SUMF1: variants seen among roughly 807,000 people sequenced by gnomAD.
SUMF1 encodes the protein sulfatase modifying factor 1.
SUMF1 carries 48 observed loss-of-function variants against 47.6 expected under a neutral mutation model. The ratio of observed to expected loss-of-function variants is 1.01; its 90% CI spans 0.80 to 1.28. The LOEUF is 1.28. Among genes scored for constraint, SUMF1 ranks in the 50% most tolerant of loss-of-function variants. The pLI is 0.00. For synonymous variants in SUMF1, 230 were observed against 192.1 expected (o/e 1.20, Z -1.63); for missense variants, 571 against 485.4 (o/e 1.18, Z -1.66).
intron 7 of SUMF1, among the ~76,000 whole-genome samples, chr3:4,391,091 C>G (rs564951460): frequency 5.9e-5 from 9 of 152,240 alleles, no homozygotes; most frequent in African/African-American, 2.2e-4. Flanking sequence ...TATGTCACAC[C>G]ATCATCCTCT....
chr3:4,117,646 G>A (rs1427498258), intron 8 of SUMF1, among the ~76,000 whole-genome samples: 2 of 152,030 alleles, frequency 1.3e-5, no homozygotes, highest in Non-Finnish European at 2.9e-5. Flanking sequence ...TCTTTATCAA[G>A]AATGAGGACA....
chr3:4,423,279 TACACACACACACAC>T (rs56729932), intron 3 of SUMF1, among the ~76,000 whole-genome samples: 2 of 147,126 alleles, frequency 1.4e-5, no homozygotes, highest in Non-Finnish European at 3.0e-5. Flanking sequence ...GAAACTGTGA[TACACACACACACAC>T]ACACACACAC....
intron 7 of SUMF1, among the ~76,000 whole-genome samples, chr3:4,401,094 T>C (rs1290980514): frequency 6.6e-6 from 1 of 151,696 alleles, no homozygotes; most frequent in Non-Finnish European, 1.5e-5. Flanking sequence ...GATAGTTTGC[T>C]AAGAATGATG....
intron 8 of SUMF1, among the ~76,000 whole-genome samples, chr3:4,166,396 T>G (rs10154985): frequency 0.34 from 50,995 of 151,956 alleles, 9,311 homozygotes; most frequent in Non-Finnish European, 0.42. Flanking sequence ...CCTAGCTTCA[T>G]GAATAGCCTT....
At chr3:4,090,576 T>G (rs1198395173) in intron 8 of SUMF1, among the ~76,000 whole-genome samples, 2 of 152,110 alleles carry the variant, frequency 1.3e-5, no homozygotes, top group East Asian at 3.9e-4. Flanking sequence ...ATTTGTGAAG[T>G]GTACAGTGAA....
chr3:4,383,146 A>G (rs1241893181), intron 7 of SUMF1, among the ~76,000 whole-genome samples: 1 of 152,198 alleles, frequency 6.6e-6, no homozygotes, highest in Non-Finnish European at 1.5e-5. Flanking sequence ...TGGGAGGCCA[A>G]GGCAGACGGA....
intron 8 of SUMF1, among the ~76,000 whole-genome samples, chr3:4,344,305 G>T (rs1206636287): frequency 6.6e-6 from 1 of 152,168 alleles, no homozygotes; most frequent in Non-Finnish European, 1.5e-5. Context: ...CCCCTCGAGG[G>T]CAGAGCTCCC....
chr3:4,087,486 C>T (rs975602714), intron 8 of SUMF1, among the ~76,000 whole-genome samples: 3 of 152,136 alleles, frequency 2.0e-5, no homozygotes, highest in African/African-American at 7.2e-5. Context: ...TGTCCATCTT[C>T]TTGACCTCTA....
intron 8 of SUMF1, among the ~76,000 whole-genome samples, chr3:4,210,500 A>C (rs1695755952): frequency 6.6e-6 from 1 of 152,162 alleles, no homozygotes; most frequent in African/African-American, 2.4e-5. Flanking sequence ...CATACCACTG[A>C]AGTTCAAAGG....
At chr3:4,039,141 A>G (rs1044885990) in intron 9 of SUMF1, among the ~76,000 whole-genome samples, 2 of 150,170 alleles carry the variant, frequency 1.3e-5, no homozygotes, top group Non-Finnish European at 3.0e-5. Flanking sequence ...CATTTAATAT[A>G]TATCATAATC....
At chr3:4,331,698 C>T (rs1014977145) in intron 8 of SUMF1, among the ~76,000 whole-genome samples, 6 of 152,152 alleles carry the variant, frequency 3.9e-5, no homozygotes, top group African/African-American at 1.4e-4. Context: ...GGCGTGGTGG[C>T]ACACACCTGT....
At chr3:4,134,683 G>C (rs1203631352) in intron 8 of SUMF1, among the ~76,000 whole-genome samples, 1 of 152,158 alleles carries the variant, frequency 6.6e-6, no homozygotes, top group Admixed American at 6.5e-5. Context: ...GAATCCAGGA[G>C]CTGGTTTTTT....
chr3:4,222,732 G>C (rs1468036222), intron 8 of SUMF1, among the ~76,000 whole-genome samples: 1 of 152,108 alleles, frequency 6.6e-6, no homozygotes, highest in Non-Finnish European at 1.5e-5. Context: ...GGAACAGAAG[G>C]AAAGGGTTCA....
intron 8 of SUMF1, among the ~76,000 whole-genome samples, chr3:4,227,053 C>T (rs973140443): frequency 2.0e-5 from 3 of 152,082 alleles, no homozygotes; most frequent in Admixed American, 2.0e-4. Context: ...CCTGCTGGTA[C>T]AGACACTACA....
intron 8 of SUMF1, among the ~76,000 whole-genome samples, chr3:4,231,250 T>G (rs1432899979): frequency 6.6e-6 from 1 of 152,132 alleles, no homozygotes. Flanking sequence ...ACCAACTATG[T>G]AATCTTAGCC....
At chr3:4,045,532 T>G (rs1323195142) in intron 9 of SUMF1, among the ~76,000 whole-genome samples, 1 of 151,990 alleles carries the variant, frequency 6.6e-6, no homozygotes, top group Non-Finnish European at 1.5e-5. Flanking sequence ...TAAAAATTAT[T>G]TTAACACAAA....
intron 9 of SUMF1, among the ~76,000 whole-genome samples, chr3:4,064,857 G>T (rs1285362338): frequency 6.6e-6 from 1 of 152,126 alleles, no homozygotes; most frequent in Non-Finnish European, 1.5e-5. Flanking sequence ...TCTTTGCTCA[G>T]ATAATTTCTT....
At chr3:4,178,293 T>A (rs1254614742) in intron 8 of SUMF1, among the ~76,000 whole-genome samples, 5 of 152,118 alleles carry the variant, frequency 3.3e-5, no homozygotes, top group Non-Finnish European at 7.4e-5. Flanking sequence ...AAATCCTCAA[T>A]AAAATACTGG....
At chr3:4,102,434 T>A (rs923064529) in intron 8 of SUMF1, among the ~76,000 whole-genome samples, 1 of 152,114 alleles carries the variant, frequency 6.6e-6, no homozygotes, top group Non-Finnish European at 1.5e-5. Flanking sequence ...AATCCCACAA[T>A]AGCAGTAATG....
Sources: allele counts gnomAD v4.1 joint callset (sites outside exome capture counted in the v4.1 genomes callset), GRCh38; gene constraint gnomAD v4.1.1; transcripts MANE v1.5; gene names NCBI Gene and HGNC (gene_info 2026-07-23, HGNC 2026-07-21).